The following GALNT2 variants were observed in gnomAD, a reference collection of about 807,000 sequenced individuals.
GALNT2 encodes polypeptide N-acetylgalactosaminyltransferase 2.
A neutral mutation model predicts 81.4 loss-of-function variants in GALNT2; 31 were observed. The observed-to-expected ratio is 0.38, with a 90% confidence interval of 0.29 to 0.51. The LOEUF is 0.51. Among genes scored for constraint, GALNT2 ranks in the 20% least tolerant of loss-of-function variants. The pLI is 0.87. For synonymous variants in GALNT2, 303 were observed against 287.4 expected (o/e 1.05, Z -0.55); for missense variants, 629 against 765.7 (o/e 0.82, Z 2.11).
In GALNT2 at chr1:230,243,588, C is replaced by G. The variant is rs1665270448; in HGVS notation, c.729+161C>G. Among the ~76,000 whole-genome samples, 1 of 152,138 alleles carries G rather than the reference C, an allele frequency of 6.6e-6. No homozygotes were observed. Among genetic ancestry groups the G allele is most frequent in the Admixed American group, 6.5e-5 (1 of 15,270 alleles). On this transcript the variant is annotated intron_variant, in intron 7 of 15. Coordinates refer to ENST00000366672, the MANE Select transcript of GALNT2 (RefSeq NM_004481.5). The surrounding 1 kb of genome is among the most constrained non-coding windows in gnomAD (Gnocchi z 4.2). ...AGTTTTCCTTGATAGAAGGAAAATG[C>G]CTTTGGGGCATTGTAGAAAGACTGT...
intron 1 of GALNT2, among the ~76,000 whole-genome samples, chr1:230,127,991 G>A (rs1186308634): frequency 1.4e-5 from 2 of 142,764 alleles, no homozygotes; most frequent in Non-Finnish European, 3.1e-5. Flanking sequence ...AGGGCTGTGT[G>A]GGGGATGCAG....
chr1:230,260,787 TAGAG>T (rs1360475155), intron 11 of GALNT2, among the ~76,000 whole-genome samples: 1 of 152,208 alleles, frequency 6.6e-6, no homozygotes, highest in Non-Finnish European at 1.5e-5. Context: ...TATTTTTTAA[TAGAG>T]AGAAAGTAAA....
intron 10 of GALNT2, 57 bp from the exon 11 acceptor site, chr1:230,255,161 G>T: frequency 6.2e-7 from 1 of 1,612,904 alleles, no homozygotes; most frequent in Non-Finnish European, 8.5e-7. Flanking sequence ...TGTGTCTGCT[G>T]TTGCAGAGGT....
chr1:230,104,815 G>T (rs1222703615), intron 1 of GALNT2, among the ~76,000 whole-genome samples: 1 of 152,236 alleles, frequency 6.6e-6, no homozygotes, highest in African/African-American at 2.4e-5. Context: ...TTTGCAGGAA[G>T]CCACTCTGAA....
At chr1:230,197,783 T>C (rs1375266051) in intron 2 of GALNT2, among the ~76,000 whole-genome samples, 2 of 152,058 alleles carry the variant, frequency 1.3e-5, no homozygotes, top group Non-Finnish European at 2.9e-5. Context: ...CGTACATGCG[T>C]GCGTGTGTGT....
chr1:230,223,118 G>C (rs1014278008), intron 3 of GALNT2, among the ~76,000 whole-genome samples: 1 of 151,730 alleles, frequency 6.6e-6, no homozygotes, highest in East Asian at 1.9e-4. Flanking sequence ...AGCATGAGGG[G>C]CTTAGAAGAT....
At chr1:230,101,206 C>T (rs916738270) in intron 1 of GALNT2, among the ~76,000 whole-genome samples, 3 of 152,170 alleles carry the variant, frequency 2.0e-5, no homozygotes, top group Admixed American at 2.0e-4. Context: ...ACTGGATATA[C>T]ACATACACAT....
At chr1:230,107,164 G>A (rs969633423) in intron 1 of GALNT2, among the ~76,000 whole-genome samples, 1 of 152,248 alleles carries the variant, frequency 6.6e-6, no homozygotes, top group African/African-American at 2.4e-5. Context: ...GACTTGCAGA[G>A]ATAAGGAAGG....
At chr1:230,186,724 T>G (rs1350909387) in intron 2 of GALNT2, among the ~76,000 whole-genome samples, 2 of 152,272 alleles carry the variant, frequency 1.3e-5, no homozygotes, top group Admixed American at 1.3e-4. Context: ...TTTCATATCC[T>G]TAACTATTGC....
At chr1:230,117,394 T>C (rs748057720) in intron 1 of GALNT2, among the ~76,000 whole-genome samples, 1 of 152,274 alleles carries the variant, frequency 6.6e-6, no homozygotes, top group East Asian at 1.9e-4. Context: ...CTTCAAGAAC[T>C]TTTCCTTTGC....
At chr1:230,127,362 T>C (rs1430475550) in intron 1 of GALNT2, among the ~76,000 whole-genome samples, 2 of 152,130 alleles carry the variant, frequency 1.3e-5, no homozygotes, top group African/African-American at 4.8e-5. Flanking sequence ...TGTAGTTTGA[T>C]TTCAAATTCA....
chr1:230,081,866 T>C (rs953079650), intron 1 of GALNT2, among the ~76,000 whole-genome samples: 1 of 152,250 alleles, frequency 6.6e-6, no homozygotes, highest in East Asian at 1.9e-4. Context: ...CAGATCCTGC[T>C]GTTACTACGG....
Position 230,070,877 on chromosome 1 carries a change from A to T in GALNT2, c.126+3471A>T, listed in dbSNP as rs543578042. 5.9e-4 allele frequency among the ~76,000 whole-genome samples: 90 copies of T among 152,320 alleles called. No homozygotes were observed. Among genetic ancestry groups the T allele is most frequent in the African/African-American group, 2.0e-3 (82 of 41,568 alleles). On this transcript the variant is annotated intron_variant, in intron 1 of 15. Coordinates refer to ENST00000366672, the MANE Select transcript of GALNT2 (RefSeq NM_004481.5). The surrounding 1 kb of genome is among the most constrained non-coding windows in gnomAD (Gnocchi z 4.7). ...AGTAATGTTTTTGAGCTAGTAGTAG[A>T]CATTAAAGGGAAATGGCACAAATCC...
intron 1 of GALNT2, among the ~76,000 whole-genome samples, chr1:230,173,299 G>A (rs567205614): frequency 8.5e-5 from 13 of 152,234 alleles, no homozygotes; most frequent in East Asian, 5.8e-4. Flanking sequence ...GGGCAGCAGC[G>A]TTCTCCTGTC....
chr1:230,221,497 G>C (rs1331832213), intron 3 of GALNT2, among the ~76,000 whole-genome samples: 1 of 152,224 alleles, frequency 6.6e-6, no homozygotes, highest in African/African-American at 2.4e-5. Flanking sequence ...ATAGCTGAAA[G>C]TGTCTGTGGC....
At position 230,280,359 on chromosome 1, in the gene GALNT2, C is replaced by T. The variant is rs529000654; in HGVS notation, c.*901C>T. On this transcript the variant is annotated 3_prime_UTR_variant, in exon 16 of 16. Transcript: ENST00000366672. The stretch of plus-strand genomic sequence containing the variant: ...TGTGCGTCAGAATCCACCTTGCGTG[C>T]TGTGCGTATCTGTGAACCTGGAGCG... 1.1e-3 allele frequency: 248 copies of T among 222,420 alleles called. 2 individuals are homozygous for T. The highest frequency in any genetic ancestry group is 5.1e-3 in the African/African-American group (231 of 44,992). 13.8% of individuals were successfully genotyped at this position (222,420 alleles called of 1,614,324 possible). A position where few individuals can be genotyped will look rare whatever the true frequency, so the allele number is the denominator to read the frequency against.
intron 3 of GALNT2, among the ~76,000 whole-genome samples, chr1:230,229,895 A>G (rs12033321): frequency 0.13 from 19,197 of 152,248 alleles, 2,245 homozygotes; most frequent in East Asian, 0.57. Context: ...CATAGTAACA[A>G]TGAAGCACCA....
chr1:230,114,939 T>C (rs1660802120), intron 1 of GALNT2, among the ~76,000 whole-genome samples: 2 of 151,642 alleles, frequency 1.3e-5, no homozygotes, highest in South Asian at 2.1e-4. Flanking sequence ...GCAAGAGTTA[T>C]AGTCCACAAA....
chr1:230,146,403 T>A (rs968289526), intron 1 of GALNT2, among the ~76,000 whole-genome samples: 13 of 152,344 alleles, frequency 8.5e-5, no homozygotes, highest in African/African-American at 3.1e-4. Flanking sequence ...CATTTCTGGT[T>A]ATTTCCTTAA....
Sources: allele counts gnomAD v4.1 joint callset (sites outside exome capture counted in the v4.1 genomes callset), GRCh38; gene constraint gnomAD v4.1.1; non-coding constraint Gnocchi (gnomAD v3.1); transcripts MANE v1.5; gene names NCBI Gene and HGNC (gene_info 2026-07-23, HGNC 2026-07-21).